Variants in ROBO1 observed in about 807,000 individuals in gnomAD.
ROBO1 encodes roundabout guidance receptor 1.
A neutral mutation model predicts 195.9 loss-of-function variants in ROBO1; 149 were observed. The observed-to-expected ratio is 0.76, with a 90% CI of 0.67 to 0.87. ROBO1 has a LOEUF of 0.87. Among genes scored for constraint, ROBO1 ranks in the 40% least tolerant of loss-of-function variants. ROBO1 has a pLI of 0.00. For synonymous variants in ROBO1, 816 were observed against 733.2 expected (o/e 1.11, Z -1.82); for missense variants, 1,933 against 2,068.3 (o/e 0.93, Z 1.27).
intron 2 of ROBO1, among the ~76,000 whole-genome samples, chr3:79,416,305 T>C (rs1201722477): frequency 6.6e-6 from 1 of 151,496 alleles, no homozygotes; most frequent in African/African-American, 2.4e-5. Flanking sequence ...GAAGTATAGA[T>C]ACGAAAGAGG....
intron 4 of ROBO1, among the ~76,000 whole-genome samples, chr3:78,887,854 C>T (rs1015768512): frequency 2.0e-5 from 3 of 152,124 alleles, no homozygotes; most frequent in East Asian, 3.9e-4. Flanking sequence ...ATCACTGAAT[C>T]CTGCTTCAGC....
In ROBO1 at chr3:78,806,504, G is replaced by A. The variant is rs574124425; in HGVS notation, c.500-59604C>T. 2.0e-5 allele frequency among the ~76,000 whole-genome samples: 3 copies of A among 152,222 alleles called. No homozygotes were observed. In the East Asian group the frequency reaches 5.8e-4, roughly 29 times the overall value. Reference sequence around the variant, plus strand: ...ACAGAGCCTACTTAATAGTATGTTTGGAAAAGTAATGAGTGTGGACGTGGG... The same window carrying A: ...ACAGAGCCTACTTAATAGTATGTTTAGAAAAGTAATGAGTGTGGACGTGGG... On this transcript the variant is annotated intron_variant, in intron 4 of 30. Transcript: ENST00000464233.
rs191243941 is a variant in ROBO1, at chr3:78,708,916, A to T, written c.1045+5481T>A. ...AACACTCGTCAAATTGAAATGCTAC[A>T]GTTCAAAAATAACAATGTAATAAAT... is the stretch of plus-strand genomic sequence containing the variant. On this transcript the variant is annotated intron_variant, in intron 8 of 30. Transcript: ENST00000464233. Among the ~76,000 whole-genome samples the T allele has an allele frequency of 7.2e-4, 110 of 152,330 alleles. 1 individual carries two copies. Among genetic ancestry groups the T allele is most frequent in the East Asian group, 6.4e-3 (33 of 5,192 alleles).
At chr3:79,517,829 T>A (rs1480676173) in intron 2 of ROBO1, among the ~76,000 whole-genome samples, 1 of 152,210 alleles carries the variant, frequency 6.6e-6, no homozygotes, top group African/African-American at 2.4e-5. Context: ...TCTGTGGCAG[T>A]CTCATTCAAA....
chr3:78,919,879 G>A (rs2038840392), intron 4 of ROBO1, among the ~76,000 whole-genome samples: 1 of 152,170 alleles, frequency 6.6e-6, no homozygotes, highest in African/African-American at 2.4e-5. Context: ...AACTTGATTT[G>A]CTAATAATGC....
chr3:78,920,880 T>C (rs1288535684), intron 4 of ROBO1, among the ~76,000 whole-genome samples: 2 of 151,966 alleles, frequency 1.3e-5, no homozygotes, highest in Admixed American at 6.6e-5. Context: ...GATCTCAACA[T>C]GTTTTCCCCA....
intron 27 of ROBO1, among the ~76,000 whole-genome samples, chr3:78,617,424 T>C (rs1238790836): frequency 6.7e-6 from 1 of 149,090 alleles, no homozygotes; most frequent in Non-Finnish European, 1.5e-5. Context: ...AAAAACTAAA[T>C]AGAAGATTTA....
At chr3:78,875,613 A>G (rs558802518) in intron 4 of ROBO1, among the ~76,000 whole-genome samples, 8 of 152,166 alleles carry the variant, frequency 5.3e-5, no homozygotes, top group Admixed American at 1.3e-4. Flanking sequence ...CCACCAGTCC[A>G]AAAAAGACTG....
chr3:78,598,917 C>T lies in ROBO1; in HGVS notation c.4952G>A (p.Ser1651Asn). ...DNNEELEETE[S>N] The stretch of plus-strand genomic sequence containing the variant: ...TCATAAGCCTCTTGGTTGTCTTCAG[C>T]TTTCAGTTTCCTGTAAGAGATACGT... Residue 1651 changes from serine to asparagine, a missense_variant, in exon 31 of 31, where the codon AGC becomes AAC. By Grantham distance (46) the Ser-to-Asn change is conservative. Around this residue, in one of 3 missense-constraint regions of ROBO1, gnomAD observed 1,737 missense variants for 1,882.5 expected, o/e 0.92. Coordinates refer to ENST00000464233, the MANE Select transcript of ROBO1 (RefSeq NM_002941.4). The T allele has an allele frequency of 6.4e-7, 1 of 1,574,604 alleles. No individual in the cohort carries two copies. The highest frequency in any genetic ancestry group is 1.4e-5 in the African/African-American group (1 of 73,920).
intron 2 of ROBO1, among the ~76,000 whole-genome samples, chr3:79,506,338 G>A (rs1418485225): frequency 2.0e-5 from 3 of 152,046 alleles, no homozygotes; most frequent in African/African-American, 4.8e-5. Flanking sequence ...AGAAGTAAGA[G>A]ATAATGAAAT....
intron 8 of ROBO1, among the ~76,000 whole-genome samples, chr3:78,706,624 G>A (rs1439770607): frequency 6.6e-6 from 1 of 152,092 alleles, no homozygotes; most frequent in Non-Finnish European, 1.5e-5. Context: ...TTATAGGCGT[G>A]AACCATGACG....
rs551073351 is a variant in ROBO1 at position 79,098,118 on chromosome 3, G to A, written c.172+27338C>T. Among the ~76,000 whole-genome samples, 24 of 151,830 alleles carry A rather than the reference G, an allele frequency of 1.6e-4. No homozygotes were observed. In the South Asian group the frequency reaches 4.3e-3, roughly 28 times the overall value. On this transcript the variant is annotated intron_variant, in intron 3 of 30. Transcript: ENST00000464233. The stretch of plus-strand genomic sequence containing the variant: ...CAAAAAAGAATGCCTGTTCATTCTC[G>A]TATTCTTTTGTGTCTACACAGATGA...
chr3:78,896,265 G>T (rs1018438231), intron 4 of ROBO1, among the ~76,000 whole-genome samples: 2 of 152,098 alleles, frequency 1.3e-5, no homozygotes, highest in Non-Finnish European at 2.9e-5. Context: ...GCTGTAAAAT[G>T]GAGATAGTAA....
Position 79,589,955 on chromosome 3 carries a change from G to A in ROBO1, c.-44C>T, listed in dbSNP as rs754695444. 1 of 1,332,900 alleles carries A rather than the reference G, an allele frequency of 7.5e-7. No homozygotes were observed. Among genetic ancestry groups the A allele is most frequent in the South Asian group, 1.2e-5 (1 of 84,682 alleles). The allele number at this position is 1,332,900 out of a possible 1,614,324, so 82.6% of individuals were successfully genotyped here. Reference sequence around the variant, plus strand: ...TTACAACCAGCCAGTGACAGACAATGTGTTATCTGGGGAGATTAAAAAAAT... The same window carrying A: ...TTACAACCAGCCAGTGACAGACAATATGTTATCTGGGGAGATTAAAAAAAT... On this transcript the variant is annotated 5_prime_UTR_variant, in exon 2 of 31. Coordinates refer to ENST00000464233, the MANE Select transcript of ROBO1 (RefSeq NM_002941.4).
intron 2 of ROBO1, among the ~76,000 whole-genome samples, chr3:79,538,474 CA>C (rs1472509736): frequency 3.3e-5 from 5 of 151,452 alleles, no homozygotes; most frequent in Non-Finnish European, 5.9e-5. Flanking sequence ...GATACTATCA[CA>C]AAAATGAATG....
At chr3:79,133,829 T>C (rs1399337868) in intron 2 of ROBO1, among the ~76,000 whole-genome samples, 1 of 144,998 alleles carries the variant, frequency 6.9e-6, no homozygotes, top group Admixed American at 7.1e-5. Context: ...CTACTTTTGG[T>C]CTTTGATGAT....
chr3:79,176,198 G>C (rs993602987), intron 2 of ROBO1, among the ~76,000 whole-genome samples: 1 of 152,242 alleles, frequency 6.6e-6, no homozygotes, highest in East Asian at 1.9e-4. Flanking sequence ...ACTTTTACAA[G>C]GCACACACAT....
chr3:79,257,244 A>C (rs1397841537), intron 2 of ROBO1, among the ~76,000 whole-genome samples: 5 of 152,192 alleles, frequency 3.3e-5, no homozygotes, highest in African/African-American at 1.2e-4. Flanking sequence ...TGATTTTTCA[A>C]TTCATGACTG....
intron 2 of ROBO1, among the ~76,000 whole-genome samples, chr3:79,216,940 T>C (rs1157212540): frequency 6.6e-6 from 1 of 152,064 alleles, no homozygotes; most frequent in Admixed American, 6.6e-5. Flanking sequence ...CTGTATTTTT[T>C]AAGATATCAT....
Sources: allele counts gnomAD v4.1 joint callset (sites outside exome capture counted in the v4.1 genomes callset), GRCh38; gene constraint gnomAD v4.1.1; regional missense constraint gnomAD v4.1.1; transcripts MANE v1.5; gene names NCBI Gene and HGNC (gene_info 2026-07-23, HGNC 2026-07-21).